RAD51B: variants seen among roughly 807,000 people sequenced by gnomAD.
RAD51B encodes the protein RAD51 paralog B.
In RAD51B, 38 loss-of-function variants were observed where a neutral mutation model predicts 42.2. The ratio of observed to expected loss-of-function variants is 0.90; its 90% confidence interval spans 0.70 to 1.18. RAD51B has a LOEUF of 1.18. Among genes scored for constraint, RAD51B ranks in the 50% most tolerant of loss-of-function variants. RAD51B has a pLI of 0.00. For missense variants in RAD51B, 373 were observed against 400.7 expected (o/e 0.93, Z 0.59); for synonymous variants, 154 against 145.2 (o/e 1.06, Z -0.43).
At chr14:68,095,707 G>T (rs1188326308) in intron 7 of RAD51B, among the ~76,000 whole-genome samples, 1 of 152,036 alleles carries the variant, frequency 6.6e-6, no homozygotes, top group Non-Finnish European at 1.5e-5. Flanking sequence ...CAGGCACGGT[G>T]GCTCATGCCT....
intron 7 of RAD51B, among the ~76,000 whole-genome samples, chr14:68,213,384 G>T (rs1324327490): frequency 6.6e-6 from 1 of 152,204 alleles, no homozygotes; most frequent in African/African-American, 2.4e-5. Context: ...AAGAGGCACA[G>T]ATGGCAGAGG....
At chr14:68,370,301 C>T (rs2083226897) in intron 8 of RAD51B, among the ~76,000 whole-genome samples, 1 of 152,308 alleles carries the variant, frequency 6.6e-6, no homozygotes, top group East Asian at 1.9e-4. Flanking sequence ...TACCAAAGGG[C>T]AACTGATCCA....
At chr14:68,107,019 T>A (rs936377210) in intron 7 of RAD51B, among the ~76,000 whole-genome samples, 5 of 151,838 alleles carry the variant, frequency 3.3e-5, no homozygotes, top group African/African-American at 1.2e-4. Flanking sequence ...GAGTGACCAG[T>A]CTATTTAATT....
intron 7 of RAD51B, among the ~76,000 whole-genome samples, chr14:68,003,296 G>A (rs1403789041): frequency 1.3e-5 from 2 of 152,164 alleles, no homozygotes; most frequent in Non-Finnish European, 2.9e-5. Context: ...GTGAATGGGA[G>A]TTCATTCATG....
At chr14:67,931,027 T>C (rs891960072) in intron 7 of RAD51B, among the ~76,000 whole-genome samples, 6 of 152,146 alleles carry the variant, frequency 3.9e-5, no homozygotes, top group Admixed American at 2.0e-4. Flanking sequence ...TTCATGCCAT[T>C]CTCCTGCCTC....
intron 7 of RAD51B, among the ~76,000 whole-genome samples, chr14:68,257,904 T>C (rs1484232350): frequency 6.6e-6 from 1 of 152,218 alleles, no homozygotes; most frequent in Non-Finnish European, 1.5e-5. Context: ...AATTAATGGA[T>C]AGATTTATTA....
intron 9 of RAD51B, among the ~76,000 whole-genome samples, chr14:68,439,920 C>T (rs2085244779): frequency 6.6e-6 from 1 of 152,176 alleles, no homozygotes; most frequent in Non-Finnish European, 1.5e-5. Flanking sequence ...CAGGCTCCCA[C>T]CCTTTAATTG....
At chr14:68,280,693 A>C (rs1012582261) in intron 7 of RAD51B, among the ~76,000 whole-genome samples, 4 of 152,206 alleles carry the variant, frequency 2.6e-5, no homozygotes, top group African/African-American at 9.6e-5. Flanking sequence ...TGTGCACCAT[A>C]GAGAGAGAAG....
At chr14:68,559,275 T>C (rs981046998) in intron 10 of RAD51B, among the ~76,000 whole-genome samples, 14 of 152,218 alleles carry the variant, frequency 9.2e-5, no homozygotes, top group African/African-American at 2.4e-4. Context: ...TTTGTACTCA[T>C]GTAGTGTCAT....
chr14:68,292,080 C>A (rs908459159), intron 8 of RAD51B, 100 bp downstream of exon 8: 3 of 1,115,098 alleles, frequency 2.7e-6, no homozygotes, highest in Non-Finnish European at 2.7e-6. Context: ...GCTAATAGGC[C>A]CTGGCCAGTG....
chr14:68,403,901 C>A (rs2140059289), intron 8 of RAD51B, among the ~76,000 whole-genome samples: 1 of 152,322 alleles, frequency 6.6e-6, no homozygotes, highest in South Asian at 2.1e-4. Context: ...GTATCTTCAT[C>A]TAAGGGTCAT....
At chr14:68,626,626 C>A (rs1189988165) in intron 10 of RAD51B, among the ~76,000 whole-genome samples, 1 of 152,210 alleles carries the variant, frequency 6.6e-6, no homozygotes, top group African/African-American at 2.4e-5. Flanking sequence ...CTATTTCTGG[C>A]CTCACTCTGT....
At chr14:68,302,526 G>A (rs901732808) in intron 8 of RAD51B, among the ~76,000 whole-genome samples, 1 of 124,222 alleles carries the variant, frequency 8.1e-6, no homozygotes, top group African/African-American at 2.8e-5. Context: ...GACCAGCTCG[G>A]TTGGGGAGAC....
Position 67,944,201 on chromosome 14 carries a change from A to ATTTTTTTT in RAD51B, c.756+57011_756+57018dup, listed in dbSNP as rs370785745. The stretch of plus-strand genomic sequence containing the variant: ...GAGTACGTGCCTCTAAGAAGTAAAG[A>ATTTTTTTT]TTTTTTTTTTTTTTTTTTTTTGACA... On this transcript the variant is annotated intron_variant, in intron 7 of 10. Transcript: ENST00000471583. Among the ~76,000 whole-genome samples the ATTTTTTTT allele has an allele frequency of 4.9e-4, 64 of 130,092 alleles. 1 individual carries two copies. The highest frequency in any genetic ancestry group is 1.7e-3 in the African/African-American group (57 of 34,452). 85.3% of individuals were successfully genotyped at this position (130,092 alleles called of 152,430 possible). A position where few individuals can be genotyped will look rare whatever the true frequency, so the allele number is the denominator to read the frequency against.
intron 7 of RAD51B, among the ~76,000 whole-genome samples, chr14:68,043,464 T>C (rs751740556): frequency 1.3e-5 from 2 of 152,180 alleles, no homozygotes; most frequent in East Asian, 1.9e-4. Flanking sequence ...CTGAGAAATA[T>C]TAGGAGATTT....
chr14:68,234,645 A>G (rs1275102526), intron 7 of RAD51B, among the ~76,000 whole-genome samples: 1 of 152,212 alleles, frequency 6.6e-6, no homozygotes, highest in Non-Finnish European at 1.5e-5. Context: ...AACAGTAAAT[A>G]TATGGTATAA....
intron 7 of RAD51B, among the ~76,000 whole-genome samples, chr14:67,911,179 A>G (rs562502165): frequency 1.5e-4 from 23 of 152,238 alleles, no homozygotes; most frequent in Non-Finnish European, 2.6e-4. Flanking sequence ...TGGTGATGTT[A>G]TTGAGCAGTG....
At chr14:68,519,723 G>A (rs1017179126) in intron 10 of RAD51B, among the ~76,000 whole-genome samples, 1 of 152,222 alleles carries the variant, frequency 6.6e-6, no homozygotes, top group Non-Finnish European at 1.5e-5. Flanking sequence ...GGTGGGACCA[G>A]TGGAGCCCAG....
chr14:68,186,091 T>C (rs2079152749), intron 7 of RAD51B, among the ~76,000 whole-genome samples: 1 of 152,106 alleles, frequency 6.6e-6, no homozygotes, highest in African/African-American at 2.4e-5. Context: ...TCAACAAAGC[T>C]GACAAAAATA....
Sources: allele counts gnomAD v4.1 joint callset (sites outside exome capture counted in the v4.1 genomes callset), GRCh38; gene constraint gnomAD v4.1.1; transcripts MANE v1.5; gene names NCBI Gene and HGNC (gene_info 2026-07-23, HGNC 2026-07-21).